Variants in TBC1D22A observed in about 807,000 individuals in gnomAD.
The protein encoded by TBC1D22A is putative GTPase activator.
TBC1D22A carries 38 observed loss-of-function variants against 60.2 expected under a neutral mutation model. The observed-to-expected ratio is 0.63, with a 90% CI of 0.49 to 0.83. The LOEUF is 0.83. TBC1D22A is among the 40% of genes least tolerant of loss of function. The pLI is 0.00. For synonymous variants in TBC1D22A, 302 were observed against 281.7 expected (o/e 1.07, Z -0.72); for missense variants, 628 against 701.0 (o/e 0.90, Z 1.18).
At chr22:46,793,983 C>T in intron 3 of TBC1D22A, 142 bp downstream of exon 3, 1 of 829,206 alleles carries the variant, frequency 1.2e-6, no homozygotes, top group Non-Finnish European at 1.9e-6. Context: ...CCTTATGGTT[C>T]TCTTCCAAGG....
At chr22:46,795,308 G>T (rs1051332714) in intron 3 of TBC1D22A, among the ~76,000 whole-genome samples, 1 of 152,214 alleles carries the variant, frequency 6.6e-6, no homozygotes, top group Non-Finnish European at 1.5e-5. Flanking sequence ...AGCTCTGTGA[G>T]CCTCTCAGCA....
At chr22:46,900,272 C>G (rs1197670157) in intron 7 of TBC1D22A, among the ~76,000 whole-genome samples, 1 of 151,834 alleles carries the variant, frequency 6.6e-6, no homozygotes, top group Non-Finnish European at 1.5e-5. Flanking sequence ...TTGCCTCAGA[C>G]TCCCGAGTAG....
At chr22:47,103,852 G>A (rs937026410) in intron 11 of TBC1D22A, among the ~76,000 whole-genome samples, 3 of 152,044 alleles carry the variant, frequency 2.0e-5, no homozygotes, top group Admixed American at 6.5e-5. Context: ...TCATCAGATG[G>A]GTTTTAATTA....
intron 4 of TBC1D22A, among the ~76,000 whole-genome samples, chr22:46,829,936 T>C (rs570675087): frequency 7.9e-5 from 12 of 152,320 alleles, no homozygotes; most frequent in African/African-American, 2.9e-4. Context: ...CAGTGCCAGC[T>C]CAGTACTAGG....
At chr22:47,023,430 G>A (rs2062152567) in intron 10 of TBC1D22A, among the ~76,000 whole-genome samples, 1 of 152,096 alleles carries the variant, frequency 6.6e-6, no homozygotes, top group Non-Finnish European at 1.5e-5. Context: ...AAAAAATATT[G>A]GAAGAAATAA....
At chr22:46,804,070 A>T (rs2085021972) in intron 4 of TBC1D22A, among the ~76,000 whole-genome samples, 1 of 152,228 alleles carries the variant, frequency 6.6e-6, no homozygotes, top group Non-Finnish European at 1.5e-5. Context: ...ATCCAATGGC[A>T]GCTCAGCAGC....
intron 12 of TBC1D22A, among the ~76,000 whole-genome samples, chr22:47,140,415 C>A (rs531585031): frequency 6.6e-6 from 1 of 151,866 alleles, no homozygotes; most frequent in African/African-American, 2.4e-5. Context: ...AAAAATTAGC[C>A]GGGTGTGGTG....
intron 11 of TBC1D22A, among the ~76,000 whole-genome samples, chr22:47,082,105 C>A (rs1357660465): frequency 6.6e-6 from 1 of 152,134 alleles, no homozygotes; most frequent in Non-Finnish European, 1.5e-5. Flanking sequence ...TTGCAGTGAG[C>A]CAAGATCACG....
chr22:46,857,654 A>G (rs1182633422), intron 4 of TBC1D22A, among the ~76,000 whole-genome samples: 5 of 148,096 alleles, frequency 3.4e-5, no homozygotes, highest in African/African-American at 1.3e-4. Flanking sequence ...GTCGTTCCCC[A>G]CTCCCCCAAT....
intron 11 of TBC1D22A, among the ~76,000 whole-genome samples, chr22:47,096,559 T>C (rs780997494): frequency 5.9e-5 from 9 of 152,174 alleles, no homozygotes; most frequent in South Asian, 4.1e-4. Flanking sequence ...CGGTGGCTCA[T>C]GCCTGTAATC....
chr22:47,100,905 G>A (rs1415927841), intron 11 of TBC1D22A, among the ~76,000 whole-genome samples: 2 of 152,200 alleles, frequency 1.3e-5, no homozygotes, highest in African/African-American at 4.8e-5. Context: ...GGATCGCTTG[G>A]TCTCTGGTTA....
intron 8 of TBC1D22A, among the ~76,000 whole-genome samples, chr22:46,935,398 T>C (rs1167457894): frequency 6.6e-6 from 1 of 152,222 alleles, no homozygotes; most frequent in Non-Finnish European, 1.5e-5. Context: ...TGAAGTTGCC[T>C]CTGGGTTACT....
intron 1 of TBC1D22A, among the ~76,000 whole-genome samples, chr22:46,790,249 C>T (rs747138773): frequency 3.3e-5 from 5 of 152,370 alleles, no homozygotes; most frequent in South Asian, 2.1e-4. Flanking sequence ...CCTTTCTCCA[C>T]GTACAGAGTC....
At chr22:47,044,583 A>G (rs1324397073) in intron 11 of TBC1D22A, among the ~76,000 whole-genome samples, 2 of 152,208 alleles carry the variant, frequency 1.3e-5, no homozygotes, top group Non-Finnish European at 2.9e-5. Context: ...GTCTCCGTAC[A>G]TTGTACTTTC....
chr22:47,139,703 C>T (rs994759228), intron 12 of TBC1D22A, among the ~76,000 whole-genome samples: 6 of 152,176 alleles, frequency 3.9e-5, no homozygotes, highest in African/African-American at 9.7e-5. Context: ...GTGTCCTGGC[C>T]GGGGAGGTTG....
At chr22:46,929,638 GA>G (rs1470966553) in intron 8 of TBC1D22A, among the ~76,000 whole-genome samples, 30 of 152,162 alleles carry the variant, frequency 2.0e-4, no homozygotes, top group Non-Finnish European at 1.3e-4. Context: ...ACTGACATGT[GA>G]GTTTTCAACC....
intron 12 of TBC1D22A, among the ~76,000 whole-genome samples, chr22:47,113,902 G>T: frequency 6.6e-6 from 1 of 152,186 alleles, no homozygotes; most frequent in East Asian, 1.9e-4. Context: ...GTCATGAGAG[G>T]GTGGTGTTGG....
At chr22:46,921,815 T>C (rs1319806590) in intron 8 of TBC1D22A, among the ~76,000 whole-genome samples, 1 of 152,120 alleles carries the variant, frequency 6.6e-6, no homozygotes, top group East Asian at 1.9e-4. Flanking sequence ...GCAAATATGG[T>C]TTGCAAATAT....
intron 10 of TBC1D22A, among the ~76,000 whole-genome samples, chr22:47,030,575 A>C (rs965791954): frequency 3.9e-5 from 6 of 152,212 alleles, no homozygotes; most frequent in Non-Finnish European, 7.3e-5. Context: ...TACAACAATA[A>C]CGTTGCCTTG....
Sources: allele counts gnomAD v4.1 joint callset (sites outside exome capture counted in the v4.1 genomes callset), GRCh38; gene constraint gnomAD v4.1.1; transcripts MANE v1.5; gene names NCBI Gene and HGNC (gene_info 2026-07-23, HGNC 2026-07-21).